SCRG1: variants seen among roughly 807,000 people sequenced by gnomAD.
SCRG1 encodes stimulator of chondrogenesis 1.
In SCRG1, 3 loss-of-function variants were observed where a neutral mutation model predicts 7.7. The ratio of observed to expected loss-of-function variants is 0.39; its 90% CI spans 0.18 to 1.01. The LOEUF (loss-of-function observed/expected upper bound fraction) is 1.01. Among genes scored for constraint, SCRG1 ranks in the 50% least tolerant of loss-of-function variants. The pLI is 0.36. For missense variants in SCRG1, 110 were observed against 117.2 expected, an observed-to-expected ratio of 0.94 and a Z score of 0.28; for synonymous variants, 46 against 41.2, an observed-to-expected ratio of 1.12 and a Z score of -0.44.
chr4:173,516,773 A>G, the SCRG1 span, among the ~76,000 whole-genome samples: 1 of 152,152 alleles, frequency 6.6e-6, no homozygotes. Flanking sequence ...CCGCGCGCTG[A>G]CGTTACGCAG....
chr4:173,436,536 G>C, the SCRG1 span, among the ~76,000 whole-genome samples: 2 of 152,088 alleles, frequency 1.3e-5, no homozygotes, highest in Non-Finnish European at 2.9e-5. Flanking sequence ...ATTTCTCATG[G>C]TCATAAATGT....
At chr4:173,421,669 C>G in the SCRG1 span, among the ~76,000 whole-genome samples, 1 of 152,084 alleles carries the variant, frequency 6.6e-6, no homozygotes, top group Non-Finnish European at 1.5e-5. Context: ...CACAACATGT[C>G]ATGAGATAAA....
the SCRG1 span, among the ~76,000 whole-genome samples, chr4:173,499,625 C>G: frequency 6.6e-6 from 1 of 152,180 alleles, no homozygotes; most frequent in South Asian, 2.1e-4. This position sits in a 1 kb window ranked among gnomAD's most constrained non-coding sequence, Gnocchi z 4.1. Context: ...CCTGGGAATA[C>G]AGGTAGTGTA....
chr4:173,479,529 C>T, the SCRG1 span, among the ~76,000 whole-genome samples: 1 of 150,708 alleles, frequency 6.6e-6, no homozygotes, highest in African/African-American at 2.4e-5. Flanking sequence ...CAGCCTCTGC[C>T]TCCTGGGTTC....
chr4:173,488,932 G>A, the SCRG1 span, among the ~76,000 whole-genome samples: 2 of 152,152 alleles, frequency 1.3e-5, no homozygotes, highest in African/African-American at 4.8e-5. Context: ...AAAGATGGCA[G>A]AATGAAAAAG....
At chr4:173,434,761 G>A in the SCRG1 span, among the ~76,000 whole-genome samples, 1 of 152,184 alleles carries the variant, frequency 6.6e-6, no homozygotes, top group African/African-American at 2.4e-5. Flanking sequence ...AACCTGGGAG[G>A]CGGAGGTTGC....
At chr4:173,484,126 T>TCTA in the SCRG1 span, among the ~76,000 whole-genome samples, 1 of 44,702 alleles carries the variant, frequency 2.2e-5, no homozygotes, top group Non-Finnish European at 4.5e-5. Context: ...ATATACAATA[T>TCTA]ATAATATATA....
the SCRG1 span, among the ~76,000 whole-genome samples, chr4:173,494,792 T>G: frequency 2.0e-5 from 3 of 152,368 alleles, no homozygotes; most frequent in South Asian, 4.1e-4. Flanking sequence ...GGTGTTAGAC[T>G]AGTGGATTCC....
At chr4:173,392,565 C>T (rs1469290544) in intron 1 of SCRG1, among the ~76,000 whole-genome samples, 1 of 152,126 alleles carries the variant, frequency 6.6e-6, no homozygotes, top group Non-Finnish European at 1.5e-5. Context: ...ACAGGATTTG[C>T]ATAGAAGTAT....
At position 173,391,373 on chromosome 4, in the gene SCRG1, C is replaced by G; in HGVS notation, c.42G>C (p.Leu14Phe). 1 of 1,614,156 alleles carries G rather than the reference C, an allele frequency of 6.2e-7. No individual in the cohort carries two copies. Among genetic ancestry groups the G allele is most frequent in the Non-Finnish European group, 8.5e-7 (1 of 1,180,030 alleles). Residue 14 changes from leucine (L) to phenylalanine (F), a missense_variant, in exon 2 of 3, where the codon TTG becomes TTC. By Grantham distance (22) the Leu-to-Phe change is conservative. Coordinates refer to ENST00000296506, the MANE Select transcript of SCRG1 (RefSeq NM_007281.4). The part of the protein sequence containing the change: ...MVLVFTIGLT[L>F]LLGVQAMPAN... ...CAGGCATGGCTTGAACTCCTAGCAG[C>G]AAAGTTAGCCCAATGGTGAAAACAA... is the stretch of plus-strand genomic sequence containing the variant.
At chr4:173,475,786 T>C in the SCRG1 span, among the ~76,000 whole-genome samples, 24 of 152,318 alleles carry the variant, frequency 1.6e-4, no homozygotes, top group African/African-American at 5.8e-4. Context: ...ATCTGACATG[T>C]GCTTCAACAA....
chr4:173,451,221 A>G, the SCRG1 span, among the ~76,000 whole-genome samples: 1 of 150,536 alleles, frequency 6.6e-6, no homozygotes, highest in Non-Finnish European at 1.5e-5. Context: ...AGAAGAGCTA[A>G]GAGGAAAAGG....
At chr4:173,451,626 CTTACTTATTTTATTTATTTA>C in the SCRG1 span, among the ~76,000 whole-genome samples, 2 of 121,484 alleles carry the variant, frequency 1.6e-5, no homozygotes, top group South Asian at 5.3e-4. Flanking sequence ...TTTTATTTTA[CTTACTTATTTTATTTATTTA>C]TTTATTTATT....
the SCRG1 span, among the ~76,000 whole-genome samples, chr4:173,515,086 G>A: frequency 3.3e-5 from 5 of 152,264 alleles, no homozygotes; most frequent in African/African-American, 7.2e-5. The surrounding 1 kb of genome is among the most constrained non-coding windows in gnomAD (Gnocchi z 4.6). Flanking sequence ...ATGGGTCAAT[G>A]TTTGTAATAC....
chr4:173,409,108 C>T (rs541923958), upstream of SCRG1, among the ~76,000 whole-genome samples: 4 of 151,960 alleles, frequency 2.6e-5, no homozygotes, highest in African/African-American at 9.7e-5. Context: ...GAGATTTCTC[C>T]ATTAGAAGCC....
chr4:173,461,543 A>G, the SCRG1 span, among the ~76,000 whole-genome samples: 1 of 152,276 alleles, frequency 6.6e-6, no homozygotes, highest in African/African-American at 2.4e-5. Flanking sequence ...AGTTTAGATC[A>G]CAACACCCAA....
At chr4:173,397,327 T>C (rs1425306193) in intron 1 of SCRG1, among the ~76,000 whole-genome samples, 1 of 152,168 alleles carries the variant, frequency 6.6e-6, no homozygotes, top group Non-Finnish European at 1.5e-5. Context: ...AATTGGTCTT[T>C]TTTTTTTCTT....
At chr4:173,422,846 C>T in the SCRG1 span, among the ~76,000 whole-genome samples, 37 of 152,126 alleles carry the variant, frequency 2.4e-4, no homozygotes, top group East Asian at 7.7e-4. Context: ...ATAATTATAA[C>T]GCTGGACAAT....
the SCRG1 span, among the ~76,000 whole-genome samples, chr4:173,499,286 C>A: frequency 1.3e-5 from 2 of 152,320 alleles, no homozygotes; most frequent in Admixed American, 1.3e-4. This position sits in a 1 kb window ranked among gnomAD's most constrained non-coding sequence, Gnocchi z 4.1. Context: ...ACCTCCCCAG[C>A]TCCATCCTAT....
Sources: gnomAD v4.1 joint callset for allele counts (sites outside exome capture counted in the v4.1 genomes callset) on GRCh38, gnomAD v4.1.1 for gene constraint, Gnocchi (gnomAD v3.1) non-coding constraint, MANE v1.5 for transcripts, NCBI Gene and HGNC (gene_info 2026-07-23, HGNC 2026-07-21) for gene names.